CDH18: variants seen among roughly 807,000 people sequenced by gnomAD.
CDH18 encodes the protein cadherin 18, also known as cadherin-18.
A neutral mutation model predicts 67.9 loss-of-function variants in CDH18; 31 were observed. That is an observed-to-expected ratio of 0.46 (90% CI 0.34 to 0.62). CDH18 has a LOEUF of 0.62. Among genes scored for constraint, CDH18 ranks in the 20% least tolerant of loss-of-function variants. CDH18 has a pLI of 0.01. For synonymous variants in CDH18, 362 were observed against 347.2 expected (o/e 1.04, Z -0.48); for missense variants, 890 against 975.5 (o/e 0.91, Z 1.17).
Position 19,764,051 on chromosome 5 carries a change from C to T in CDH18, c.229-16815G>A, listed in dbSNP as rs184117788. On this transcript the variant is annotated intron_variant, in intron 3 of 12. Transcript: ENST00000382275. Reference sequence around the variant, plus strand: ...GGTGTGGTGGCAGATGCCTGTAATCCCAGCTACTTGGGAGGCTGAGACAGG... The same window carrying T: ...GGTGTGGTGGCAGATGCCTGTAATCTCAGCTACTTGGGAGGCTGAGACAGG... Among the ~76,000 whole-genome samples the T allele has an allele frequency of 7.5e-3, 1,090 of 145,582 alleles. 13 individuals carry two copies. Among genetic ancestry groups the T allele is most frequent in the Non-Finnish European group, 0.011 (719 of 66,766 alleles).
intron 2 of CDH18, among the ~76,000 whole-genome samples, chr5:20,236,996 T>G (rs1212252986): frequency 2.0e-5 from 3 of 151,980 alleles, no homozygotes; most frequent in Admixed American, 6.6e-5. Context: ...AAGATAAAGA[T>G]AGCTTATTTC....
At chr5:19,651,328 A>AT (rs1462628531) in intron 5 of CDH18, among the ~76,000 whole-genome samples, 1 of 152,056 alleles carries the variant, frequency 6.6e-6, no homozygotes, top group East Asian at 1.9e-4. Context: ...AAATCTCTGG[A>AT]TTTAAAAAAA....
intron 6 of CDH18, among the ~76,000 whole-genome samples, chr5:19,602,877 A>T (rs1442364837): frequency 1.3e-5 from 2 of 152,126 alleles, no homozygotes; most frequent in African/African-American, 4.8e-5. Context: ...AGGCAGAAGA[A>T]TCCCTTGAAT....
At chr5:19,474,452 T>C (rs1579652578) in intron 12 of CDH18, among the ~76,000 whole-genome samples, 1 of 152,264 alleles carries the variant, frequency 6.6e-6, no homozygotes, top group South Asian at 2.1e-4. Flanking sequence ...ATGCCTGAGG[T>C]TGCAATTTTT....
intron 3 of CDH18, among the ~76,000 whole-genome samples, chr5:19,825,210 T>G (rs1780279247): frequency 6.6e-6 from 1 of 152,144 alleles, no homozygotes; most frequent in Non-Finnish European, 1.5e-5. Context: ...AGCATCCAGA[T>G]GGCAGGGTGG....
chr5:20,228,827 G>A (rs1580530070), intron 2 of CDH18, among the ~76,000 whole-genome samples: 1 of 152,042 alleles, frequency 6.6e-6, no homozygotes, highest in Admixed American at 6.6e-5. Flanking sequence ...TGGATGAATG[G>A]ATAAAACAAC....
At chr5:20,273,573 T>C (rs1047637254) in intron 1 of CDH18, among the ~76,000 whole-genome samples, 1 of 152,076 alleles carries the variant, frequency 6.6e-6, no homozygotes, top group African/African-American at 2.4e-5. Flanking sequence ...ATATTTCAGG[T>C]TTAGTGTGGC....
chr5:19,669,658 A>T (rs1351548268), intron 5 of CDH18, among the ~76,000 whole-genome samples: 1 of 152,148 alleles, frequency 6.6e-6, no homozygotes, highest in Non-Finnish European at 1.5e-5. Flanking sequence ...TGGAAAATTT[A>T]GTATCTCATT....
At chr5:20,447,880 T>C (rs527787359) in intron 1 of CDH18, among the ~76,000 whole-genome samples, 1 of 152,112 alleles carries the variant, frequency 6.6e-6, no homozygotes, top group Non-Finnish European at 1.5e-5. Flanking sequence ...CTTTGAGATC[T>C]CTTATTTTAT....
At chr5:20,000,457 GA>G in intron 2 of CDH18, among the ~76,000 whole-genome samples, 1 of 152,216 alleles carries the variant, frequency 6.6e-6, no homozygotes, top group African/African-American at 2.4e-5. Flanking sequence ...GATCCTGGAA[GA>G]AAAAAAGTGG....
At chr5:20,103,972 C>G (rs1746701967) in intron 2 of CDH18, among the ~76,000 whole-genome samples, 1 of 151,392 alleles carries the variant, frequency 6.6e-6, no homozygotes, top group East Asian at 1.9e-4. Context: ...ATACAGGTTT[C>G]TAGCACAAGA....
chr5:19,495,734 AAAAAAAAAG>A (rs1358288526), intron 11 of CDH18, among the ~76,000 whole-genome samples: 5 of 148,556 alleles, frequency 3.4e-5, no homozygotes, highest in African/African-American at 7.4e-5. Context: ...AAAAAAAAAA[AAAAAAAAAG>A]AAAGAAAGAA....
intron 11 of CDH18, among the ~76,000 whole-genome samples, chr5:19,484,984 G>A (rs1350668457): frequency 1.3e-5 from 2 of 151,094 alleles, no homozygotes; most frequent in Non-Finnish European, 2.9e-5. Context: ...TCTGAAAATA[G>A]AAATTGTATT....
chr5:19,827,317 G>A (rs1780512102), intron 3 of CDH18, among the ~76,000 whole-genome samples: 1 of 127,026 alleles, frequency 7.9e-6, no homozygotes. Context: ...TATCGGACAA[G>A]TTATCAAGGC....
rs575160565 is a variant in CDH18, at chr5:20,381,460, C to T, written c.-579-125955G>A. ...TTGCATCAACCAATTTAAATTGTAC[C>T]CCCACCTGCATGGTTGTCTCAAGGG... is the stretch of plus-strand genomic sequence containing the variant. On this transcript the variant is annotated intron_variant, in intron 1 of 14. Coordinates refer to the CDH18 transcript ENST00000507958. Among the ~76,000 whole-genome samples, 10 of 152,030 alleles carry T rather than the reference C, an allele frequency of 6.6e-5. No homozygotes were observed. In the East Asian group the frequency reaches 1.9e-3, roughly 29 times the overall value.
At chr5:19,659,785 T>C (rs1287214840) in intron 5 of CDH18, among the ~76,000 whole-genome samples, 1 of 152,112 alleles carries the variant, frequency 6.6e-6, no homozygotes, top group Admixed American at 6.6e-5. Flanking sequence ...ACTCACCATA[T>C]ACTTCACCTG....
At chr5:19,631,089 G>A (rs1752353166) in intron 5 of CDH18, among the ~76,000 whole-genome samples, 1 of 151,578 alleles carries the variant, frequency 6.6e-6, no homozygotes, top group Non-Finnish European at 1.5e-5. Context: ...ATTTATCAAA[G>A]TTATTGCATG....
chr5:19,838,389 G>C (rs543374666), intron 3 of CDH18, among the ~76,000 whole-genome samples: 1 of 152,076 alleles, frequency 6.6e-6, no homozygotes, highest in Non-Finnish European at 1.5e-5. Flanking sequence ...GTAAATGTCA[G>C]TGTGCGAATA....
intron 1 of CDH18, among the ~76,000 whole-genome samples, chr5:20,313,445 T>C (rs1737176171): frequency 6.6e-6 from 1 of 152,060 alleles, no homozygotes; most frequent in African/African-American, 2.4e-5. Context: ...ATTGTTTATG[T>C]TTTTTTCTCA....
Sources: gnomAD v4.1 joint callset for allele counts (sites outside exome capture counted in the v4.1 genomes callset) on GRCh38, gnomAD v4.1.1 for gene constraint, MANE v1.5 for transcripts, NCBI Gene and HGNC (gene_info 2026-07-23, HGNC 2026-07-21) for gene names.